The following COL12A1 variants were observed in gnomAD, a reference collection of about 807,000 sequenced individuals.
COL12A1 encodes collagen alpha-1(XII) chain.
In COL12A1, 114 loss-of-function variants were observed where a neutral mutation model predicts 349.7. That is an observed-to-expected ratio of 0.33 (90% CI 0.28 to 0.38). COL12A1 has a LOEUF of 0.38. COL12A1 is among the 10% of genes least tolerant of loss of function. COL12A1 has a pLI of 1.00. For missense variants in COL12A1, 3,284 were observed against 3,756.9 expected (o/e 0.87, Z 3.29); for synonymous variants, 1,369 against 1,329.0 (o/e 1.03, Z -0.66).
chr6:75,168,664 T>A (rs1768446187), intron 13 of COL12A1, among the ~76,000 whole-genome samples: 1 of 152,258 alleles, frequency 6.6e-6, no homozygotes, highest in Non-Finnish European at 1.5e-5. Context: ...ATCTTTTAAA[T>A]CTGCCCTGTG....
rs1769410188 is a variant in COL12A1 at position 75,183,167 on chromosome 6, C to A, written c.1774G>T (p.Ala592Ser). 2.5e-6 allele frequency: 4 copies of A among 1,614,028 alleles called. No homozygotes were observed. In the African/African-American group the frequency reaches 4.0e-5, roughly 16 times the overall value. Reference sequence around the variant, plus strand: ...TCCACTGTGAACACATGGGTCTCTGCAGGAGGAGAGGCAATAGCTTCCAAT... The same window carrying A: ...TCCACTGTGAACACATGGGTCTCTGAAGGAGGAGAGGCAATAGCTTCCAAT... The part of the protein sequence containing the change: ...SELEAIASPP[A>S]ETHVFTVEDF... The change falls in exon 10 of 66, where the codon GCA becomes TCA. Residue 592 changes from alanine (A) to serine (S), a missense_variant. Physicochemically the swap from Ala to Ser is moderately conservative, Grantham distance 99. Around this residue, in one of 2 missense-constraint regions of COL12A1, gnomAD observed 2,601 missense variants for 2,824.8 expected, o/e 0.92. Coordinates refer to ENST00000322507, the MANE Select transcript of COL12A1 (RefSeq NM_004370.6).
Position 75,191,707 on chromosome 6 carries a change from T to C in COL12A1, c.388A>G (p.Ile130Val). ...TAGTAAGAGAAACACTCACTTTGTA[T>C]CTCGGTTTTTCCAGGTTTCTTCTCC... ...PVEKKPGKTEIQKCSVSAWTD... is the reference protein window; with the variant it reads ...PVEKKPGKTEVQKCSVSAWTD... Residue 130 changes from isoleucine (I) to valine (V), a missense_variant, in exon 5 of 66, where the codon ATA becomes GTA. Around this residue, in one of 2 missense-constraint regions of COL12A1, gnomAD observed 2,601 missense variants for 2,824.8 expected, o/e 0.92. Transcript: ENST00000322507. 1 of 1,597,118 alleles carries C rather than the reference T, an allele frequency of 6.3e-7. No homozygotes were observed. Among genetic ancestry groups the C allele is most frequent in the Middle Eastern group, 1.7e-4 (1 of 6,010 alleles).
Position 75,137,674 on chromosome 6 carries a change from C to T in COL12A1, c.5252-95G>A, listed in dbSNP as rs186886132. ...CCCAAGGCAATCAGAGAATTCTATG[C>T]CTCTGGGTTTATAATTAAATTCGTT... On this transcript the variant is annotated intron_variant, in intron 30 of 65. Coordinates refer to ENST00000322507, the MANE Select transcript of COL12A1 (RefSeq NM_004370.6). The T allele has an allele frequency of 1.4e-4, 178 of 1,314,218 alleles. No homozygotes were observed. In the African/African-American group the frequency reaches 2.2e-3, roughly 17 times the overall value. 81.4% of individuals were successfully genotyped at this position (1,314,218 alleles called of 1,614,324 possible). A position where few individuals can be genotyped will look rare whatever the true frequency, so the allele number is the denominator to read the frequency against.
At chr6:75,169,076 C>G (rs1224072758) in intron 13 of COL12A1, among the ~76,000 whole-genome samples, 1 of 152,166 alleles carries the variant, frequency 6.6e-6, no homozygotes, top group African/African-American at 2.4e-5. Context: ...TCCATCTTGT[C>G]TCGACAGGAA....
intron 31 of COL12A1, among the ~76,000 whole-genome samples, chr6:75,136,839 T>C (rs1766631926): frequency 6.6e-6 from 1 of 152,106 alleles, no homozygotes; most frequent in Non-Finnish European, 1.5e-5. Context: ...AAAGGTTCTA[T>C]TAAATAGGGA....
At chr6:75,087,294 T>C (rs1767547638) in intron 65 of COL12A1, 2 of 395,518 alleles carry the variant, frequency 5.1e-6, no homozygotes, top group Non-Finnish European at 8.9e-6. Flanking sequence ...AAAAAAAAAG[T>C]CAATTACTAG....
chr6:75,189,008 T>C (rs777384984), intron 7 of COL12A1, among the ~76,000 whole-genome samples: 7 of 152,090 alleles, frequency 4.6e-5, no homozygotes, highest in Non-Finnish European at 1.0e-4. Context: ...ACCACCTTCC[T>C]AAATACATAT....
chr6:75,113,851 T>C (rs1470972959), intron 49 of COL12A1, 107 bp from the exon 50 acceptor site: 30 of 866,430 alleles, frequency 3.5e-5, no homozygotes, highest in Non-Finnish European at 4.6e-5. Flanking sequence ...TTTAAATCTT[T>C]GCACCAGAAT....
intron 21 of COL12A1, among the ~76,000 whole-genome samples, chr6:75,149,656 G>C (rs561324802): frequency 6.6e-6 from 1 of 151,990 alleles, no homozygotes; most frequent in Admixed American, 6.6e-5. Context: ...CCATAAGCAT[G>C]GCAAATCATT....
At position 75,147,765 on chromosome 6, in the gene COL12A1, C is replaced by G; in HGVS notation, c.4327G>C (p.Asp1443His). 6.2e-7 allele frequency: 1 copy of G among 1,613,526 alleles called. No individual in the cohort carries two copies. The highest frequency in any genetic ancestry group is 8.5e-7 in the Non-Finnish European group (1 of 1,179,634). Residue 1443 changes from aspartate (D) to histidine (H), a missense_variant, in exon 23 of 66, where the codon GAT becomes CAT. By Grantham distance (81) the Asp-to-His change is moderately conservative. Coordinates refer to ENST00000322507, the MANE Select transcript of COL12A1 (RefSeq NM_004370.6). ...ACATATTCAGTTTCAGGTTTCAGAT[C>G]TTTCAGCACTGTGCTAGTTTCCATT... ...SRMETSTVLKDLKPETEYVVN... is the reference protein window; with the variant it reads ...SRMETSTVLKHLKPETEYVVN...
intron 51 of COL12A1, among the ~76,000 whole-genome samples, chr6:75,110,412 TGTGTTTTACTGCA>T (rs1473831387): frequency 1.3e-5 from 2 of 152,054 alleles, no homozygotes; most frequent in Non-Finnish European, 2.9e-5. Flanking sequence ...AGGTATTCAG[TGTGTTTTACTGCA>T]GTTTAAACAA....
At chr6:75,122,214 T>C (rs1170825711) in intron 43 of COL12A1, among the ~76,000 whole-genome samples, 3 of 152,222 alleles carry the variant, frequency 2.0e-5, no homozygotes, top group Non-Finnish European at 4.4e-5. Flanking sequence ...TTGGAATATC[T>C]AGACTTAGAG....
In COL12A1 at chr6:75,184,119, A is replaced by G. The variant is rs747827698; in HGVS notation, c.1023T>C (p.Ile341=). ...EEVVEPPSNL[I]AMEVSSKYVK... is the part of the protein sequence containing the mutation. Reference sequence around the variant, plus strand: ...CATATTTTGAAGAGACTTCCATGGCAATCAAATTTGAAGGAGGCTCAACAA... The same window carrying G: ...CATATTTTGAAGAGACTTCCATGGCGATCAAATTTGAAGGAGGCTCAACAA... Residue 341 remains isoleucine (I), a synonymous_variant, in exon 9 of 66, where the codon ATT becomes ATC. Transcript: ENST00000322507. 6 of 1,613,852 alleles carry G rather than the reference A, an allele frequency of 3.7e-6. No homozygotes were observed. In the South Asian group the frequency reaches 6.6e-5, roughly 18 times the overall value.
Position 75,189,230 on chromosome 6 carries a change from T to C in COL12A1, c.810A>G (p.Glu270=), listed in dbSNP as rs1326391180. ...AACTTAACCTACCCAAGGAGAAAAC[T>C]TCAACTCCAACATTACGAAGCTCTC... is the stretch of plus-strand genomic sequence containing the variant. The part of the protein sequence containing the change: ...PARELRNVGV[E]VFSLGIKAAD... Residue 270 remains glutamate (E), a synonymous_variant, in exon 7 of 66, where the codon GAA becomes GAG. Transcript: ENST00000322507. The C allele has an allele frequency of 6.2e-7, 1 of 1,612,642 alleles. No homozygotes were observed. Among genetic ancestry groups the C allele is most frequent in the African/African-American group, 1.3e-5 (1 of 74,846 alleles).
chr6:75,166,908 A>G (rs1768339943), intron 13 of COL12A1, among the ~76,000 whole-genome samples: 1 of 152,178 alleles, frequency 6.6e-6, no homozygotes. Context: ...AGAGGGAAAA[A>G]ATAAATGAAA....
intron 4 of COL12A1, 151 bp from the exon 5 acceptor site, chr6:75,191,911 C>T (rs1769950697): frequency 6.1e-6 from 3 of 494,740 alleles, no homozygotes; most frequent in Admixed American, 7.8e-5. Context: ...AATAATCATT[C>T]CCTTACAAGT....
chr6:75,185,926 G>A (rs571792243), intron 8 of COL12A1, among the ~76,000 whole-genome samples: 2 of 152,160 alleles, frequency 1.3e-5, no homozygotes, highest in Admixed American at 1.3e-4. Flanking sequence ...GCAAAAGACT[G>A]AATCTGGACT....
At position 75,189,524 on chromosome 6, in the gene COL12A1, T is replaced by C. The variant is rs1034052180; in HGVS notation, c.658+28A>G. On this transcript the variant is annotated intron_variant, in intron 6 of 65. Coordinates refer to ENST00000322507, the MANE Select transcript of COL12A1 (RefSeq NM_004370.6). Reference sequence around the variant, plus strand: ...CTGAAACAGACATTTCATTTATTTTTAACTTTAAAAAAATCTGTAGAACAT... The same window carrying C: ...CTGAAACAGACATTTCATTTATTTTCAACTTTAAAAAAATCTGTAGAACAT... 5 of 1,594,228 alleles carry C rather than the reference T, an allele frequency of 3.1e-6. No homozygotes were observed. The African/African-American group carries it at 6.8e-5, about 22-fold the overall frequency.
At chr6:75,139,508 A>G (rs1766788958) in intron 27 of COL12A1, among the ~76,000 whole-genome samples, 4 of 152,222 alleles carry the variant, frequency 2.6e-5, no homozygotes, top group Admixed American at 2.6e-4. Context: ...ATTTTTTAAA[A>G]ACACACATAC....
Sources: allele counts gnomAD v4.1 joint callset (sites outside exome capture counted in the v4.1 genomes callset), GRCh38; gene constraint gnomAD v4.1.1; regional missense constraint gnomAD v4.1.1; transcripts MANE v1.5; gene names NCBI Gene and HGNC (gene_info 2026-07-23, HGNC 2026-07-21).